PDS5B: variants seen among roughly 807,000 people sequenced by gnomAD.
PDS5B encodes PDS5 cohesin associated factor B.
PDS5B carries 51 observed loss-of-function variants against 184.1 expected under a neutral mutation model. That is an observed-to-expected ratio of 0.28 (90% CI 0.22 to 0.35). PDS5B has a LOEUF of 0.35. Among genes scored for constraint, PDS5B ranks in the 10% least tolerant of loss-of-function variants. The probability of loss-of-function intolerance (pLI) is 1.00; values close to 1 mark genes in which losing one functional copy is unlikely to be tolerated. For synonymous variants in PDS5B, 566 were observed against 569.2 expected (o/e 0.99, Z 0.08); for missense variants, 1,180 against 1,723.3 (o/e 0.68, Z 5.58).
chr13:32,645,052 C>T (rs1464792332), intron 1 of PDS5B, among the ~76,000 whole-genome samples: 2 of 152,118 alleles, frequency 1.3e-5, no homozygotes, highest in Non-Finnish European at 2.9e-5. Context: ...CACTGTGTTG[C>T]CTAGGCTGGA....
In PDS5B at chr13:32,699,716, TAA is replaced by T; in HGVS notation, c.1601-13_1601-12del. ...AAAAAAATTGATTTTAATTGAACTT[TAA>T]TTTATTTTAAGGAAATTTACCTGAT... On this transcript the variant is annotated splice_polypyrimidine_tract_variant and intron_variant, in intron 15 of 34. Transcript: ENST00000315596. 7.0e-7 allele frequency: 1 copy of T among 1,422,196 alleles called. No individual in the cohort carries two copies. Among genetic ancestry groups the T allele is most frequent in the Non-Finnish European group, 9.3e-7 (1 of 1,076,322 alleles). 88.1% of individuals were successfully genotyped at this position (1,422,196 alleles called of 1,614,324 possible).
At chr13:32,688,354 G>A (rs975083783) in intron 12 of PDS5B, 102 bp from the exon 13 acceptor site, 31 of 579,838 alleles carry the variant, frequency 5.3e-5, no homozygotes, top group Non-Finnish European at 8.8e-5. Flanking sequence ...AGAGCGGCAG[G>A]AACTTCTTTA....
intron 15 of PDS5B, among the ~76,000 whole-genome samples, chr13:32,697,147 G>A (rs1158241391): frequency 6.6e-6 from 1 of 152,146 alleles, no homozygotes; most frequent in Non-Finnish European, 1.5e-5. Context: ...TTGCTCTAAT[G>A]TGACTGACTG....
intron 1 of PDS5B, among the ~76,000 whole-genome samples, chr13:32,639,392 C>T (rs1360945085): frequency 1.3e-5 from 2 of 152,172 alleles, no homozygotes; most frequent in African/African-American, 4.8e-5. Context: ...TTCACCGTCA[C>T]TGTTTTACCA....
chr13:32,730,474 T>A (rs1443342748), intron 19 of PDS5B, among the ~76,000 whole-genome samples: 2 of 152,226 alleles, frequency 1.3e-5, no homozygotes, highest in East Asian at 3.8e-4. Context: ...TTTTTCTAGT[T>A]TTGTGAAGAA....
At chr13:32,622,152 A>T (rs2058311459) in intron 1 of PDS5B, among the ~76,000 whole-genome samples, 1 of 150,996 alleles carries the variant, frequency 6.6e-6, no homozygotes, top group African/African-American at 2.4e-5. Flanking sequence ...TTCTCATTTT[A>T]TTCTTCATTT....
At chr13:32,747,629 T>G (rs957686756) in intron 24 of PDS5B, among the ~76,000 whole-genome samples, 5 of 151,930 alleles carry the variant, frequency 3.3e-5, no homozygotes, top group African/African-American at 1.2e-4. Flanking sequence ...CATAACTTCC[T>G]TGGTATAGTT....
In PDS5B at chr13:32,687,479, A is replaced by G. The variant is rs888393589; in HGVS notation, c.1355+194A>G. 7.2e-5 allele frequency among the ~76,000 whole-genome samples: 11 copies of G among 152,240 alleles called. No individual in the cohort carries two copies. The South Asian group carries it at 1.0e-3, about 14-fold the overall frequency. On this transcript the variant is annotated intron_variant, in intron 12 of 34. Coordinates refer to ENST00000315596, the MANE Select transcript of PDS5B (RefSeq NM_015032.4). ...CAGTAATGTACATATAACTTTAGGG[A>G]TGGGTACAGGTTTTACGTTCCATTT...
chr13:32,720,627 ATTTT>A lies in PDS5B; in HGVS notation c.2123+10522_2123+10525del, dbSNP rs554993021. On this transcript the variant is annotated intron_variant, in intron 19 of 34. Transcript: ENST00000315596. ...ATTTTTTATTTTTATTTATTTATTT[ATTTT>A]ATTATTTTTTTTTAAAATTTTTTTA... is the stretch of plus-strand genomic sequence containing the variant. Among the ~76,000 whole-genome samples, 379 of 151,082 alleles carry A rather than the reference ATTTT, an allele frequency of 2.5e-3. 2 individuals are homozygous for A. Among genetic ancestry groups the A allele is most frequent in the African/African-American group, 8.7e-3 (358 of 41,164 alleles).
At position 32,628,341 on chromosome 13, in the gene PDS5B, G is replaced by A. The variant is rs1007588113; in HGVS notation, c.-19-20413G>A. Among the ~76,000 whole-genome samples, 5 of 151,994 alleles carry A rather than the reference G, an allele frequency of 3.3e-5. No homozygotes were observed. In the East Asian group the frequency reaches 9.7e-4, roughly 29 times the overall value. ...GGAGGCTATGGTGGGTGGATCACTT[G>A]AGGTCAGGAGTTCGAGACCACCCTG... On this transcript the variant is annotated intron_variant, in intron 1 of 34. Coordinates refer to ENST00000315596, the MANE Select transcript of PDS5B (RefSeq NM_015032.4).
chr13:32,681,506 C>G (rs563962404), intron 10 of PDS5B, among the ~76,000 whole-genome samples: 1 of 151,932 alleles, frequency 6.6e-6, no homozygotes, highest in Non-Finnish European at 1.5e-5. Context: ...CACCTGTAAT[C>G]GCAGCTACCC....
chr13:32,600,463 G>T (rs1056176407), intron 1 of PDS5B, among the ~76,000 whole-genome samples: 14 of 152,230 alleles, frequency 9.2e-5, no homozygotes, highest in Non-Finnish European at 1.6e-4. Flanking sequence ...CGTTGGCCAG[G>T]CGTGGTGGCT....
Position 32,667,798 on chromosome 13 carries a change from CT to C in PDS5B, c.662del (p.Leu221TyrfsTer2). 1 of 1,597,776 alleles carries C rather than the reference CT, an allele frequency of 6.3e-7. No homozygotes were observed. The highest frequency in any genetic ancestry group is 8.5e-7 in the Non-Finnish European group (1 of 1,173,072). The stretch of plus-strand genomic sequence containing the variant: ...AAGCAAGCATATGATTTGGCAAAGG[CT>C]TTACTGAAGAGGACAGCTCAAGCTA... ...LNKQAYDLAKALLKRTAQAIE... is the reference protein window; with the variant it reads ...LNKQAYDLAKXLLKRTAQAIE... On this transcript the variant is annotated frameshift_variant, in exon 7 of 35. Transcript: ENST00000315596. LOFTEE classifies it high-confidence loss of function.
intron 6 of PDS5B, among the ~76,000 whole-genome samples, chr13:32,664,435 T>C (rs1950730808): frequency 6.6e-6 from 1 of 152,244 alleles, no homozygotes; most frequent in African/African-American, 2.4e-5. Flanking sequence ...CACCTTTATG[T>C]TGAAAATTGT....
rs1401181015 is a variant in PDS5B at position 32,684,008 on chromosome 13, A to G, written c.1188A>G (p.Arg396=). The G allele has an allele frequency of 1.3e-6, 2 of 1,549,794 alleles. No homozygotes were observed. Among genetic ancestry groups the G allele is most frequent in the African/African-American group, 2.7e-5 (2 of 73,590 alleles). Reference sequence around the variant, plus strand: ...ACTTACTTAATTTTGTGAGAGAGAGAACATTAGACAAACGAGTAAGTATGA... The same window carrying G: ...ACTTACTTAATTTTGTGAGAGAGAGGACATTAGACAAACGAGTAAGTATGA... ...NDHLLNFVRE[R]TLDKRWRVRK... is the part of the protein sequence containing the mutation. Residue 396 remains arginine, a synonymous_variant, in exon 11 of 35, where the codon AGA becomes AGG. Transcript: ENST00000315596.
chr13:32,626,119 C>T (rs1325550486), intron 1 of PDS5B, among the ~76,000 whole-genome samples: 1 of 152,116 alleles, frequency 6.6e-6, no homozygotes, highest in Admixed American at 6.6e-5. Context: ...GGATTACAGG[C>T]GTGGTCCACT....
chr13:32,663,176 T>C (rs1440602999), intron 6 of PDS5B, among the ~76,000 whole-genome samples: 1 of 152,114 alleles, frequency 6.6e-6, no homozygotes, highest in African/African-American at 2.4e-5. Context: ...CAAAAGAACC[T>C]GTAAACCCGT....
At chr13:32,599,438 G>A (rs1356595256) in intron 1 of PDS5B, among the ~76,000 whole-genome samples, 1 of 151,262 alleles carries the variant, frequency 6.6e-6, no homozygotes, top group Admixed American at 6.6e-5. Context: ...CTAATTTTTC[G>A]TATTTTTAGT....
Position 32,683,972 on chromosome 13 carries a change from G to C in PDS5B, c.1152G>C (p.Leu384=), listed in dbSNP as rs768853340. Residue 384 remains leucine, a synonymous_variant, in exon 11 of 35, where the codon CTG becomes CTC. Coordinates refer to ENST00000315596, the MANE Select transcript of PDS5B (RefSeq NM_015032.4). ...IVTAAKKDIL[L]VNDHLLNFVR... is the part of the protein sequence containing the mutation. ...CAGCTGCTAAAAAGGATATTCTTCT[G>C]GTCAATGATCACTTACTTAATTTTG... The C allele has an allele frequency of 9.5e-6, 15 of 1,586,568 alleles. No homozygotes were observed. In the South Asian group the frequency reaches 1.7e-4, roughly 18 times the overall value.
Sources: gnomAD v4.1 joint callset for allele counts (sites outside exome capture counted in the v4.1 genomes callset) on GRCh38, gnomAD v4.1.1 for gene constraint, MANE v1.5 for transcripts, NCBI Gene and HGNC (gene_info 2026-07-23, HGNC 2026-07-21) for gene names.